ADCY7: variants seen among roughly 807,000 people sequenced by gnomAD.
ADCY7 encodes adenylate cyclase 7.
ADCY7 carries 72 observed loss-of-function variants against 120.6 expected under a neutral mutation model. The observed-to-expected ratio is 0.60, with a 90% CI of 0.49 to 0.73. The LOEUF (loss-of-function observed/expected upper bound fraction) is 0.73, where lower values mean the gene tolerates loss of function less well. ADCY7 is among the 30% of genes least tolerant of loss of function. The pLI, the probability that ADCY7 is intolerant of heterozygous loss-of-function variation, is 0.00. For missense variants in ADCY7, 1,227 were observed against 1,486.0 expected (o/e 0.83, Z 2.87); for synonymous variants, 661 against 628.0 (o/e 1.05, Z -0.78).
chr16:50,282,461 GT>G (rs2034333049), intron 1 of ADCY7, among the ~76,000 whole-genome samples: 4 of 152,002 alleles, frequency 2.6e-5, no homozygotes, highest in Admixed American at 2.6e-4. Context: ...GGATAAGGGA[GT>G]GTGTGTGGGG....
chr16:50,259,530 C>T (rs1238899323), intron 1 of ADCY7, among the ~76,000 whole-genome samples: 3 of 152,236 alleles, frequency 2.0e-5, no homozygotes, highest in African/African-American at 7.2e-5. Context: ...TGCCCCTTTC[C>T]TTCTCCAAAG....
At chr16:50,248,228 C>T (rs1443846241) in intron 1 of ADCY7, among the ~76,000 whole-genome samples, 1 of 152,332 alleles carries the variant, frequency 6.6e-6, no homozygotes, top group East Asian at 1.9e-4. Context: ...TTGCCCCGCC[C>T]ACCTCTCCCT....
upstream of ADCY7, among the ~76,000 whole-genome samples, chr16:50,245,621 C>T (rs1469850611): frequency 6.6e-6 from 1 of 152,140 alleles, no homozygotes; most frequent in East Asian, 1.9e-4. Flanking sequence ...TCTCCCGCCC[C>T]TGAGCCCTGC....
At chr16:50,295,149 T>C (rs1662467060) in intron 7 of ADCY7, among the ~76,000 whole-genome samples, 2 of 152,048 alleles carry the variant, frequency 1.3e-5, no homozygotes, top group Non-Finnish European at 2.9e-5. Flanking sequence ...GGATCTGAGG[T>C]GAATCATGTG....
intron 7 of ADCY7, 64 bp from the exon 8 acceptor site, chr16:50,298,840 C>A: frequency 6.4e-7 from 1 of 1,558,218 alleles, no homozygotes; most frequent in Non-Finnish European, 8.7e-7. Flanking sequence ...TGGGGGGAGG[C>A]GGCTGTCGTG....
At chr16:50,261,878 G>C (rs939786889), upstream of ADCY7, among the ~76,000 whole-genome samples, 4 of 152,200 alleles carry the variant, frequency 2.6e-5, no homozygotes, top group African/African-American at 9.7e-5. Flanking sequence ...TCCCGGTGCC[G>C]TGAACCCCCG....
intron 2 of ADCY7, chr16:50,289,333 G>A (rs2034793627): frequency 4.5e-6 from 2 of 445,718 alleles, no homozygotes; most frequent in South Asian, 1.6e-5. Flanking sequence ...ACTGTGCCCG[G>A]CCTCAGAATC....
chr16:50,312,743 G>T lies in ADCY7; in HGVS notation c.2605-147G>T, dbSNP rs997348596. 2.6e-6 allele frequency: 2 copies of T among 783,556 alleles called. 1 individual carries two copies. 48.5% of individuals were successfully genotyped at this position (783,556 alleles called of 1,614,324 possible). On this transcript the variant is annotated intron_variant, in intron 21 of 25. Transcript: ENST00000673801. ...CTTAATCACCCGGTAACAGCCACCA[G>T]ATGAAACTCATGCAGCCCGCCCCCC...
intron 10 of ADCY7, among the ~76,000 whole-genome samples, chr16:50,302,919 C>G (rs192934275): frequency 1.7e-3 from 264 of 152,348 alleles, no homozygotes; most frequent in African/African-American, 5.9e-3. Context: ...CTCTGCCTTA[C>G]GCCATTGCTG....
chr16:50,289,137 A>C, intron 2 of ADCY7: 3 of 292,296 alleles, frequency 1.0e-5, no homozygotes, highest in South Asian at 7.8e-5. Flanking sequence ...AGACATCATT[A>C]ATCAATCCCT....
rs745492319 is a variant in ADCY7 at position 50,305,578 on chromosome 16, C to T, written c.1671C>T (p.Ser557=). The change falls in exon 13 of 26, where the codon AGC becomes AGT. Residue 557 remains serine (S), a synonymous_variant. Coordinates refer to ENST00000673801, the MANE Select transcript of ADCY7 (RefSeq NM_001114.5). ...DEMLSAIEGL[S]STRPCCSKSD... is the part of the protein sequence containing the mutation. The stretch of plus-strand genomic sequence containing the variant: ...TGCTGTCAGCCATTGAGGGGCTCAG[C>T]TCCACGAGGTGAGGTCTGAGACCTC... 6 of 1,600,484 alleles carry T rather than the reference C, an allele frequency of 3.7e-6. No individual in the cohort carries two copies. Among genetic ancestry groups the T allele is most frequent in the Non-Finnish European group, 5.1e-6 (6 of 1,172,322 alleles).
intron 1 of ADCY7, among the ~76,000 whole-genome samples, chr16:50,252,286 C>T (rs77643538): frequency 0.016 from 2,396 of 152,280 alleles, 130 homozygotes; most frequent in East Asian, 0.12. Flanking sequence ...GGGCTGAGCT[C>T]TGCACACATG....
chr16:50,305,210 G>A (rs1180258333), intron 12 of ADCY7, among the ~76,000 whole-genome samples: 2 of 152,248 alleles, frequency 1.3e-5, no homozygotes, highest in Non-Finnish European at 2.9e-5. Context: ...TGGAAGGGAA[G>A]GAGATGACTG....
intron 1 of ADCY7, among the ~76,000 whole-genome samples, chr16:50,248,223 C>G (rs1209942660): frequency 6.6e-6 from 1 of 152,188 alleles, no homozygotes; most frequent in Non-Finnish European, 1.5e-5. Context: ...TGCCCTTGCC[C>G]CGCCCACCTC....
intron 23 of ADCY7, 99 bp from the exon 24 acceptor site, chr16:50,314,192 AT>A: frequency 7.0e-7 from 1 of 1,423,472 alleles, no homozygotes; most frequent in Non-Finnish European, 9.8e-7. Flanking sequence ...CTCAGCCAGG[AT>A]TTTAGTGGTG....
chr16:50,315,680 G>T lies in ADCY7; in HGVS notation c.*175G>T. Reference sequence around the variant, plus strand: ...AGACACATGCACCAGATTCTGGCTCGAAGCAGCCACTGAGCCATAATGCGC... The same window carrying T: ...AGACACATGCACCAGATTCTGGCTCTAAGCAGCCACTGAGCCATAATGCGC... On this transcript the variant is annotated 3_prime_UTR_variant, in exon 26 of 26. Coordinates refer to ENST00000673801, the MANE Select transcript of ADCY7 (RefSeq NM_001114.5). 1.3e-6 allele frequency: 1 copy of T among 798,236 alleles called. No homozygotes were observed. 49.4% of individuals were successfully genotyped at this position (798,236 alleles called of 1,614,324 possible). A position where few individuals can be genotyped will look rare whatever the true frequency, so the allele number is the denominator to read the frequency against.
In ADCY7 at chr16:50,260,152, C is replaced by T. The variant is rs1030251664; in HGVS notation, c.-64+13949C>T. 4.6e-5 allele frequency among the ~76,000 whole-genome samples: 7 copies of T among 152,322 alleles called. No individual in the cohort carries two copies. The South Asian group carries it at 1.0e-3, about 23-fold the overall frequency. ...GGGTGAGCAGGAGGGGACGCTCACA[C>T]GGCTGGCTGCACTGTGTTATTGTTG... On this transcript the variant is annotated intron_variant, in intron 1 of 4. Coordinates refer to the ADCY7 transcript ENST00000564044.
At position 50,290,447 on chromosome 16, in the gene ADCY7, C is replaced by T. The variant is rs551731492; in HGVS notation, c.172-10C>T. ...AAGCCGAGGCATTCCTGTCTGTTTG[C>T]TCCACCCAGGACCCCTCCAGACACC... On this transcript the variant is annotated splice_polypyrimidine_tract_variant and intron_variant, in intron 2 of 25. Transcript: ENST00000673801. The T allele has an allele frequency of 3.7e-6, 6 of 1,614,018 alleles. No homozygotes were observed. In the African/African-American group the frequency reaches 5.3e-5, roughly 14 times the overall value.
chr16:50,276,077 G>A (rs2033872656), intron 1 of ADCY7, among the ~76,000 whole-genome samples: 1 of 152,218 alleles, frequency 6.6e-6, no homozygotes, highest in African/African-American at 2.4e-5. Flanking sequence ...CCGAGGACCC[G>A]ACTCTGCCTG....
Sources: allele counts gnomAD v4.1 joint callset (sites outside exome capture counted in the v4.1 genomes callset), GRCh38; gene constraint gnomAD v4.1.1; transcripts MANE v1.5; gene names NCBI Gene and HGNC (gene_info 2026-07-23, HGNC 2026-07-21).